Variants in GABPB2 observed in about 807,000 individuals in gnomAD.
GABPB2 encodes the protein GA-binding protein subunit beta-2.
GABPB2 carries 23 observed loss-of-function variants against 39.1 expected under a neutral mutation model. That is an observed-to-expected ratio of 0.59 (90% CI 0.42 to 0.83). The LOEUF is 0.83. Ranked by LOEUF, GABPB2 falls within the 40% of genes least tolerant of loss-of-function variation. GABPB2 has a pLI of 0.00. For missense variants in GABPB2, 467 were observed against 541.1 expected (o/e 0.86, Z 1.36); for synonymous variants, 184 against 199.3 (o/e 0.92, Z 0.65).
At chr1:151,082,278 T>C (rs1002441246) in intron 1 of GABPB2, among the ~76,000 whole-genome samples, 1 of 151,600 alleles carries the variant, frequency 6.6e-6, no homozygotes, top group Admixed American at 6.6e-5. Flanking sequence ...GGTTTCACCA[T>C]GTTGGCCAGG....
chr1:151,107,104 A>C lies in GABPB2; in HGVS notation c.804A>C (p.Gly268=), dbSNP rs749739658. The C allele has an allele frequency of 1.9e-6, 3 of 1,613,310 alleles. No individual in the cohort carries two copies. The highest frequency in any genetic ancestry group is 2.7e-5 in the African/African-American group (2 of 74,926). ...DSSIQQVMGS[G]GQRVITIVTD... ...CAATCCAGCAAGTAATGGGGAGTGG[A>C]GGCCAGAGGGTCATCACCATAGTGA... Residue 268 remains glycine, a synonymous_variant, in exon 7 of 9, where the codon GGA becomes GGC. Coordinates refer to ENST00000368918, the MANE Select transcript of GABPB2 (RefSeq NM_144618.3).
rs909763927 is a variant in GABPB2, at chr1:151,118,817, T to C, written c.*561T>C. The C allele has an allele frequency of 6.6e-6, 1 of 152,440 alleles. No homozygotes were observed. Among genetic ancestry groups the C allele is most frequent in the Non-Finnish European group, 1.5e-5 (1 of 68,390 alleles). 9.4% of individuals were successfully genotyped at this position (152,440 alleles called of 1,614,324 possible). Reference sequence around the variant, plus strand: ...GAGAATTTTCCCTTTTTTTTTTTTTTTTTGAGACACGGTCTGACTCTGTCA... The same window carrying C: ...GAGAATTTTCCCTTTTTTTTTTTTTCTTTGAGACACGGTCTGACTCTGTCA... On this transcript the variant is annotated 3_prime_UTR_variant, in exon 9 of 9. Coordinates refer to ENST00000368918, the MANE Select transcript of GABPB2 (RefSeq NM_144618.3).
chr1:151,110,132 G>T (rs1571979285), intron 7 of GABPB2, among the ~76,000 whole-genome samples: 1 of 146,820 alleles, frequency 6.8e-6, no homozygotes, highest in Non-Finnish European at 1.5e-5. Flanking sequence ...AAAGTGCTGG[G>T]ATTACAGGTG....
rs10638922 is a variant in GABPB2, at chr1:151,104,802, T to TTTCTTTCTTTCTTTTTC, written c.736+1129_736+1130insCTTTCTTTCTTTTTCTT. ...CTTTCTTTCTTTCTTTCTTTCTTTC[T>TTTCTTTCTTTCTTTTTC]TTTCTTTCTTTCCTTTCTTTCTTTC... On this transcript the variant is annotated intron_variant, in intron 6 of 8. Transcript: ENST00000368918. 1.4e-5 allele frequency among the ~76,000 whole-genome samples: 2 copies of TTTCTTTCTTTCTTTTTC among 139,360 alleles called. 1 individual carries two copies. The highest frequency in any genetic ancestry group is 4.6e-4 in the South Asian group (2 of 4,352). 91.4% of individuals were successfully genotyped at this position (139,360 alleles called of 152,430 possible). A position where few individuals can be genotyped will look rare whatever the true frequency, so the allele number is the denominator to read the frequency against.
intron 6 of GABPB2, among the ~76,000 whole-genome samples, chr1:151,104,771 TTCTC>T (rs199509376): frequency 1.9e-5 from 2 of 107,852 alleles, no homozygotes; most frequent in Admixed American, 9.6e-5. Context: ...CTTTCTTTCT[TTCTC>T]TCTTTCTTTC....
At chr1:151,081,359 C>T (rs1157184576) in intron 1 of GABPB2, among the ~76,000 whole-genome samples, 2 of 151,912 alleles carry the variant, frequency 1.3e-5, no homozygotes, top group African/African-American at 4.8e-5. Flanking sequence ...CATGGTGGTG[C>T]ACACCTGTAA....
intron 3 of GABPB2, 51 bp from the exon 4 acceptor site, chr1:151,093,141 C>G: frequency 7.2e-7 from 1 of 1,381,874 alleles, no homozygotes; most frequent in Non-Finnish European, 9.7e-7. Context: ...GGATGTTGCA[C>G]CTGTGCTACT....
chr1:151,083,727 A>G (rs1677918068), intron 1 of GABPB2, among the ~76,000 whole-genome samples: 1 of 149,832 alleles, frequency 6.7e-6, no homozygotes, highest in African/African-American at 2.4e-5. Context: ...TTCATTTTTT[A>G]TTTTATTCAT....
At chr1:151,082,043 G>A (rs1677750462) in intron 1 of GABPB2, among the ~76,000 whole-genome samples, 1 of 150,984 alleles carries the variant, frequency 6.6e-6, no homozygotes, top group South Asian at 2.1e-4. Flanking sequence ...CTTTGATACT[G>A]CACAAAAACT....
rs10638922 is a variant in GABPB2, at chr1:151,104,802, T to TTTATTTCTTTC, written c.736+1129_736+1130insATTTCTTTCTT. 2.2e-5 allele frequency among the ~76,000 whole-genome samples: 3 copies of TTTATTTCTTTC among 139,442 alleles called. No homozygotes were observed. The Admixed American group carries it at 2.2e-4, about 10-fold the overall frequency. 91.5% of individuals were successfully genotyped at this position (139,442 alleles called of 152,430 possible). A position where few individuals can be genotyped will look rare whatever the true frequency, so the allele number is the denominator to read the frequency against. On this transcript the variant is annotated intron_variant, in intron 6 of 8. Transcript: ENST00000368918. ...CTTTCTTTCTTTCTTTCTTTCTTTCTTTTCTTTCTTTCCTTTCTTTCTTTC... is the reference window on the plus strand; with the variant it reads ...CTTTCTTTCTTTCTTTCTTTCTTTCTTTATTTCTTTCTTTCTTTCTTTCCTTTCTTTCTTTC...
chr1:151,072,490 A>C (rs1235011428), intron 1 of GABPB2, among the ~76,000 whole-genome samples: 1 of 152,110 alleles, frequency 6.6e-6, no homozygotes, highest in Non-Finnish European at 1.5e-5. Flanking sequence ...TCGAGGCTGC[A>C]GTGAGCCGTG....
At chr1:151,084,807 T>C (rs1277790244) in intron 1 of GABPB2, among the ~76,000 whole-genome samples, 1 of 151,888 alleles carries the variant, frequency 6.6e-6, no homozygotes, top group Non-Finnish European at 1.5e-5. Flanking sequence ...GTGTTGGGAT[T>C]ACAGGTGTGA....
intron 1 of GABPB2, among the ~76,000 whole-genome samples, chr1:151,073,448 G>A (rs1170634839): frequency 2.0e-5 from 3 of 152,138 alleles, no homozygotes; most frequent in African/African-American, 7.2e-5. Flanking sequence ...GTTTTCTGAT[G>A]TATCAGGCTT....
chr1:151,090,327 C>T (rs1382090669), intron 2 of GABPB2, 79 bp from the exon 3 acceptor site: 22 of 1,292,064 alleles, frequency 1.7e-5, no homozygotes, highest in Non-Finnish European at 2.1e-5. Context: ...AGAACCATAG[C>T]TTGTTCATTT....
At position 151,118,164 on chromosome 1, in the gene GABPB2, G is replaced by T. The variant is rs77707485; in HGVS notation, c.1255G>T (p.Gly419Trp). The change falls in exon 9 of 9, where the codon GGG becomes TGG. Residue 419 changes from glycine (G) to tryptophan (W), a missense_variant. Transcript: ENST00000368918. Reference sequence around the variant, plus strand: ...GGTAGATGCTGTAGTAGTCACAGAGGGGGAGTTGGAAGAGAGAGAGACAAA... The same window carrying T: ...GGTAGATGCTGTAGTAGTCACAGAGTGGGAGTTGGAAGAGAGAGAGACAAA... ...AEVDAVVVTE[G>W]ELEERETKVT... The T allele has an allele frequency of 3.1e-6, 5 of 1,614,132 alleles. No individual in the cohort carries two copies. Among genetic ancestry groups the T allele is most frequent in the African/African-American group, 1.3e-5 (1 of 75,030 alleles).
chr1:151,093,150 C>G (rs765578971), intron 3 of GABPB2, 42 bp from the exon 4 acceptor site: 1 of 1,486,824 alleles, frequency 6.7e-7, no homozygotes, highest in Non-Finnish European at 9.0e-7. Context: ...ACCTGTGCTA[C>G]TATAACCGCT....
At chr1:151,071,205 C>G (rs930539174) in intron 1 of GABPB2, among the ~76,000 whole-genome samples, 2 of 152,072 alleles carry the variant, frequency 1.3e-5, no homozygotes, top group East Asian at 3.9e-4. Context: ...AAGCCCAGGC[C>G]GCGGAGGTGA....
At position 151,118,149 on chromosome 1, in the gene GABPB2, G is replaced by T. The variant is rs1204336834; in HGVS notation, c.1240G>T (p.Val414Leu). 6.2e-7 allele frequency: 1 copy of T among 1,614,196 alleles called. No homozygotes were observed. Among genetic ancestry groups the T allele is most frequent in the Non-Finnish European group, 8.5e-7 (1 of 1,180,028 alleles). The change falls in exon 9 of 9, where the codon GTA becomes TTA. Residue 414 changes from valine (V) to leucine (L), a missense_variant. Val to Leu is a conservative substitution (Grantham distance 32). Coordinates refer to ENST00000368918, the MANE Select transcript of GABPB2 (RefSeq NM_144618.3). The part of the protein sequence containing the change: ...MVEEVAEVDA[V>L]VVTEGELEER... ...TGAAGAGGTGGCTGAGGTAGATGCT[G>T]TAGTAGTCACAGAGGGGGAGTTGGA...
Position 151,117,450 on chromosome 1 carries a change from AGAG to A in GABPB2, c.982_984del (p.Glu328del), listed in dbSNP as rs1680962324. On this transcript the variant is annotated inframe_deletion, in exon 8 of 9. Transcript: ENST00000368918. ...AGACTGTAATTAAAGAGGAAGAAGA[AGAG>A]AAGTTGCCACTAACAAAGAAACCAA... The A allele has an allele frequency of 3.7e-6, 6 of 1,613,726 alleles. No homozygotes were observed. The highest frequency in any genetic ancestry group is 1.3e-5 in the African/African-American group (1 of 74,938).
Sources: gnomAD v4.1 joint callset for allele counts (sites outside exome capture counted in the v4.1 genomes callset) on GRCh38, gnomAD v4.1.1 for gene constraint, MANE v1.5 for transcripts, NCBI Gene and HGNC (gene_info 2026-07-23, HGNC 2026-07-21) for gene names.